XPR1: variants seen among roughly 807,000 people sequenced by gnomAD.
The protein encoded by XPR1 is xenotropic and polytropic retrovirus receptor 1.
In XPR1, 28 loss-of-function variants were observed where a neutral mutation model predicts 87.5. The observed-to-expected ratio is 0.32, with a 90% CI of 0.24 to 0.44. The LOEUF (loss-of-function observed/expected upper bound fraction) is 0.44. Among genes scored for constraint, XPR1 ranks in the 20% least tolerant of loss-of-function variants. XPR1 has a pLI of 1.00. For missense variants in XPR1, 559 were observed against 862.3 expected (o/e 0.65, Z 4.41); for synonymous variants, 300 against 306.1 (o/e 0.98, Z 0.21).
chr1:180,635,881 T>C (rs1557932227), intron 1 of XPR1, among the ~76,000 whole-genome samples: 1 of 152,194 alleles, frequency 6.6e-6, no homozygotes, highest in Non-Finnish European at 1.5e-5. Context: ...AAATTCTGTG[T>C]TTTTAAATGG....
At position 180,708,161 on chromosome 1, in the gene XPR1, T is replaced by A. The variant is rs978882676; in HGVS notation, c.121+25750T>A. ...AAGTAAAAGGAAGTTTAATTGAACA[T>A]CTATTACAAATAGGAGTTTTCAGAA... On this transcript the variant is annotated intron_variant, in intron 2 of 14. Coordinates refer to ENST00000367590, the MANE Select transcript of XPR1 (RefSeq NM_004736.4). Among the ~76,000 whole-genome samples, 11 of 152,216 alleles carry A rather than the reference T, an allele frequency of 7.2e-5. No individual in the cohort carries two copies. The East Asian group carries it at 1.9e-3, about 27-fold the overall frequency.
intron 4 of XPR1, among the ~76,000 whole-genome samples, chr1:180,805,479 C>G (rs983060978): frequency 1.4e-4 from 22 of 152,124 alleles, no homozygotes; most frequent in African/African-American, 5.3e-4. Context: ...TCACTTCCTC[C>G]TTTCTACTTA....
chr1:180,758,876 C>T (rs1211883838), intron 2 of XPR1: 1 of 152,362 alleles, frequency 6.6e-6, no homozygotes, highest in Non-Finnish European at 1.5e-5. Context: ...GTAAAGCACT[C>T]CTCAGCAAAT....
intron 2 of XPR1, among the ~76,000 whole-genome samples, chr1:180,733,300 T>C (rs1320355472): frequency 6.6e-6 from 1 of 152,160 alleles, no homozygotes; most frequent in Non-Finnish European, 1.5e-5. Context: ...TGCCCTCCTC[T>C]ACCCAGCACT....
At chr1:180,831,252 C>G (rs923931678) in intron 9 of XPR1, among the ~76,000 whole-genome samples, 1 of 152,052 alleles carries the variant, frequency 6.6e-6, no homozygotes, top group African/African-American at 2.4e-5. Context: ...ACTTGCCTCT[C>G]CAGCAAAACT....
chr1:180,639,520 A>G (rs1006930574), intron 1 of XPR1, among the ~76,000 whole-genome samples: 5 of 152,210 alleles, frequency 3.3e-5, no homozygotes, highest in African/African-American at 9.6e-5. Context: ...ATCATTGACT[A>G]TTCGTAAATA....
At chr1:180,650,472 A>C (rs1340550990) in intron 1 of XPR1, among the ~76,000 whole-genome samples, 5 of 152,178 alleles carry the variant, frequency 3.3e-5, no homozygotes, top group Non-Finnish European at 7.4e-5. Context: ...AAATTTCTCA[A>C]ATGAAAAGTA....
intron 1 of XPR1, among the ~76,000 whole-genome samples, chr1:180,677,130 A>G (rs569316449): frequency 2.0e-5 from 3 of 152,314 alleles, no homozygotes; most frequent in Non-Finnish European, 2.9e-5. Flanking sequence ...TAAGGGCTCC[A>G]TTTCATAAGA....
chr1:180,714,482 G>C (rs555294977), intron 2 of XPR1, among the ~76,000 whole-genome samples: 1 of 150,206 alleles, frequency 6.7e-6, no homozygotes, highest in South Asian at 2.2e-4. Context: ...ATAGCACGCT[G>C]TAACCTCAAC....
chr1:180,877,665 C>T (rs1216184405), intron 13 of XPR1, among the ~76,000 whole-genome samples: 1 of 151,900 alleles, frequency 6.6e-6, no homozygotes, highest in Non-Finnish European at 1.5e-5. Flanking sequence ...CACAGTGAGT[C>T]CCTTTATGAT....
At chr1:180,696,851 G>A (rs975069755) in intron 2 of XPR1, among the ~76,000 whole-genome samples, 2 of 152,156 alleles carry the variant, frequency 1.3e-5, no homozygotes, top group Non-Finnish European at 1.5e-5. Flanking sequence ...TGATCGTGGT[G>A]CATTATCTTT....
intron 2 of XPR1, among the ~76,000 whole-genome samples, chr1:180,715,838 A>G (rs1405591057): frequency 6.6e-6 from 1 of 151,892 alleles, no homozygotes. Context: ...ACACCCAGCT[A>G]ATTTTTGTAT....
At chr1:180,770,458 A>T (rs1490749483) in intron 2 of XPR1, among the ~76,000 whole-genome samples, 1 of 152,126 alleles carries the variant, frequency 6.6e-6, no homozygotes, top group Non-Finnish European at 1.5e-5. Context: ...CCACGGCCTC[A>T]TCCAAACCTA....
chr1:180,660,578 T>C (rs952995165), intron 1 of XPR1, among the ~76,000 whole-genome samples: 1 of 152,198 alleles, frequency 6.6e-6, no homozygotes. Context: ...AATTTTTCCC[T>C]TTTCTTCTTA....
chr1:180,753,612 TAATA>T (rs1013383664), intron 2 of XPR1, among the ~76,000 whole-genome samples: 11 of 152,064 alleles, frequency 7.2e-5, no homozygotes, highest in Admixed American at 1.3e-4. Context: ...GTTGCATTAC[TAATA>T]AATAAGCTGA....
At chr1:180,752,083 A>G (rs56248351) in intron 2 of XPR1, among the ~76,000 whole-genome samples, 3,683 of 152,250 alleles carry the variant, frequency 0.024, 148 homozygotes, top group African/African-American at 0.083. Context: ...GTGAAAGGAA[A>G]TAGTATGAGT....
At chr1:180,875,932 T>A (rs1652649316) in intron 13 of XPR1, among the ~76,000 whole-genome samples, 1 of 152,100 alleles carries the variant, frequency 6.6e-6, no homozygotes, top group Non-Finnish European at 1.5e-5. Flanking sequence ...TCAATAAATT[T>A]AAAAATTTAG....
Position 180,632,116 on chromosome 1 carries a change from G to C in XPR1, c.-86G>C, listed in dbSNP as rs1293942864. On this transcript the variant is annotated 5_prime_UTR_variant, in exon 1 of 15. Transcript: ENST00000367590. ...AAGCGCAGCGCCGCGCCGCGCCGGG[G>C]CCCATGTGGGGAGGAGTCGGAGTCG... is the stretch of plus-strand genomic sequence containing the variant. The C allele has an allele frequency of 6.7e-7, 1 of 1,491,830 alleles. No individual in the cohort carries two copies. Among genetic ancestry groups the C allele is most frequent in the African/African-American group, 1.4e-5 (1 of 71,916 alleles). The allele number at this position is 1,491,830 out of a possible 1,614,324, so 92.4% of individuals were successfully genotyped here.
chr1:180,689,692 A>G (rs1385828739), intron 2 of XPR1, among the ~76,000 whole-genome samples: 1 of 152,204 alleles, frequency 6.6e-6, no homozygotes, highest in African/African-American at 2.4e-5. Flanking sequence ...AATCTGGGTA[A>G]TGTATGGACT....
Sources: gnomAD v4.1 joint callset for allele counts (sites outside exome capture counted in the v4.1 genomes callset) on GRCh38, gnomAD v4.1.1 for gene constraint, MANE v1.5 for transcripts, NCBI Gene and HGNC (gene_info 2026-07-23, HGNC 2026-07-21) for gene names.